UBR4: variants seen among roughly 807,000 people sequenced by gnomAD.
UBR4 encodes ubiquitin protein ligase E3 component n-recognin 4.
Under a neutral mutation model 575.6 loss-of-function variants are expected in UBR4, and 124 were observed. The ratio of observed to expected loss-of-function variants is 0.22; its 90% CI spans 0.19 to 0.25. The LOEUF is 0.25. Ranked by LOEUF, UBR4 falls within the 10% of genes least tolerant of loss-of-function variation. The pLI is 1.00. For missense variants in UBR4, 4,818 were observed against 6,478.8 expected (o/e 0.74, Z 8.80); for synonymous variants, 2,455 against 2,473.7 (o/e 0.99, Z 0.22).
At chr1:19,179,007 A>G in intron 18 of UBR4, 44 bp downstream of exon 18, 1 of 1,589,220 alleles carries the variant, frequency 6.3e-7, no homozygotes, top group Non-Finnish European at 8.5e-7. Flanking sequence ...CAAATAAAAA[A>G]GGAAATAACT....
intron 11 of UBR4, among the ~76,000 whole-genome samples, chr1:19,190,312 A>AAAAATATATATATATAT: frequency 5.8e-4 from 46 of 79,870 alleles, no homozygotes; most frequent in Admixed American, 7.2e-4. Context: ...AAAAAAAAAA[A>AAAAATATATATATATAT]ATATATATAT....
intron 1 of UBR4, among the ~76,000 whole-genome samples, chr1:19,204,146 G>A (rs993237338): frequency 4.6e-5 from 7 of 151,926 alleles, no homozygotes; most frequent in South Asian, 2.1e-4. Flanking sequence ...TTACAGGTGC[G>A]TGCCACCACG....
At chr1:19,204,048 C>T (rs1376998843) in intron 1 of UBR4, among the ~76,000 whole-genome samples, 1 of 152,180 alleles carries the variant, frequency 6.6e-6, no homozygotes, top group East Asian at 1.9e-4. Flanking sequence ...GCCCAGGCTA[C>T]AATGTAGTGG....
chr1:19,095,522 C>T, intron 93 of UBR4, 23 bp downstream of exon 93: 1 of 1,609,686 alleles, frequency 6.2e-7, no homozygotes, highest in South Asian at 1.1e-5. Flanking sequence ...CACTCTTCTT[C>T]ACCTGCAGTC....
At chr1:19,138,315 T>C (rs191564908) in intron 59 of UBR4, 134 bp from the exon 60 acceptor site, 28 of 954,118 alleles carry the variant, frequency 2.9e-5, no homozygotes, top group Middle Eastern at 3.6e-4. Context: ...TTTTGTCTTA[T>C]ATGTAAAGCT....
chr1:19,209,727 G>C (rs2093214639), intron 1 of UBR4, among the ~76,000 whole-genome samples: 1 of 152,208 alleles, frequency 6.6e-6, no homozygotes, highest in Non-Finnish European at 1.5e-5. Context: ...ATGAGTGCGG[G>C]CGAGAAATGC....
At position 19,110,055 on chromosome 1, in the gene UBR4, C is replaced by T. The variant is rs1224722731; in HGVS notation, c.12105+41G>A. The T allele has an allele frequency of 1.2e-5, 19 of 1,611,406 alleles. No homozygotes were observed. The highest frequency in any genetic ancestry group is 2.2e-5 in the South Asian group (2 of 90,874). On this transcript the variant is annotated intron_variant, in intron 81 of 105. Coordinates refer to ENST00000375254, the MANE Select transcript of UBR4 (RefSeq NM_020765.3). This position sits in a 1 kb window ranked among gnomAD's most constrained non-coding sequence, Gnocchi z 4.5. ...ACTGCCAGGGAATGAGGAGGGTGGC[C>T]GCCCTGCCCTTCCTTGTTAGACCCC...
At chr1:19,099,995 C>T in intron 89 of UBR4, 1 of 433,124 alleles carries the variant, frequency 2.3e-6, no homozygotes, top group Non-Finnish European at 4.1e-6. Context: ...AACGGTCTGC[C>T]AGAAAGTAAC....
In UBR4 at chr1:19,162,453, C is replaced by A. The variant is rs532727929; in HGVS notation, c.4923G>T (p.Ala1641=). ...CAGCCTGGGAATCTTCCTCTTCCAC[C>A]GCCAACTCCTCCACCCAGTCTGAGT... ...EVDSDWVEEL[A]VEEEDSQAED... Residue 1641 remains alanine (A), a synonymous_variant, in exon 35 of 106, where the codon GCG becomes GCT. Coordinates refer to ENST00000375254, the MANE Select transcript of UBR4 (RefSeq NM_020765.3). 6.2e-7 allele frequency: 1 copy of A among 1,613,880 alleles called. No individual in the cohort carries two copies. The highest frequency in any genetic ancestry group is 1.3e-5 in the African/African-American group (1 of 74,906).
intron 71 of UBR4, 128 bp from the exon 72 acceptor site, chr1:19,118,038 G>T: frequency 1.3e-6 from 1 of 786,714 alleles, no homozygotes; most frequent in Non-Finnish European, 2.1e-6. Flanking sequence ...CCCCACCCTA[G>T]TGAGAACTCA....
chr1:19,192,635 C>T (rs2092176616), intron 9 of UBR4, 95 bp from the exon 10 acceptor site: 2 of 1,284,658 alleles, frequency 1.6e-6, no homozygotes, highest in Admixed American at 3.8e-5. Flanking sequence ...TTGAAGAGTT[C>T]AATATCCTCT....
chr1:19,151,563 G>A (rs752129704), intron 48 of UBR4, 80 bp downstream of exon 48: 3 of 1,452,474 alleles, frequency 2.1e-6, no homozygotes, highest in African/African-American at 2.8e-5. Flanking sequence ...ATCCCAGAAT[G>A]TTGGACAGCC....
rs2078488645 is a variant in UBR4, at chr1:19,100,217, T to C, written c.13221+159A>G. 1 of 711,884 alleles carries C rather than the reference T, an allele frequency of 1.4e-6. No homozygotes were observed. Among genetic ancestry groups the C allele is most frequent in the Non-Finnish European group, 2.4e-6 (1 of 422,128 alleles). 44.1% of individuals were successfully genotyped at this position (711,884 alleles called of 1,614,324 possible). A position where few individuals can be genotyped will look rare whatever the true frequency, so the allele number is the denominator to read the frequency against. ...TTATTAACCTTAGCACTAGGTGAGG[T>C]AGAAAGGTGGGAATCATTAACCCCA... On this transcript the variant is annotated intron_variant, in intron 89 of 105. Transcript: ENST00000375254. This position sits in a 1 kb window ranked among gnomAD's most constrained non-coding sequence, Gnocchi z 4.2.
At chr1:19,163,932 T>C in intron 33 of UBR4, 105 bp from the exon 34 acceptor site, 1 of 1,240,980 alleles carries the variant, frequency 8.1e-7, no homozygotes, top group Non-Finnish European at 1.2e-6. Context: ...GAGGACACTG[T>C]GAAGCAGAAG....
chr1:19,172,738 AG>A, intron 25 of UBR4, 125 bp downstream of exon 25: 2 of 875,340 alleles, frequency 2.3e-6, no homozygotes, highest in Non-Finnish European at 3.5e-6. Context: ...TAGAGAAGAA[AG>A]CATTATACGT....
chr1:19,094,788 C>A, intron 94 of UBR4, 118 bp downstream of exon 94: 1 of 1,397,846 alleles, frequency 7.2e-7, no homozygotes. Flanking sequence ...CATTCCAATG[C>A]TTAAGCAGGC....
chr1:19,089,340 C>T lies in UBR4; in HGVS notation c.14212-363G>A, dbSNP rs143318438. On this transcript the variant is annotated intron_variant, in intron 97 of 105. Transcript: ENST00000375254. The surrounding 1 kb of genome is among the most constrained non-coding windows in gnomAD (Gnocchi z 4.3). Reference sequence around the variant, plus strand: ...TATTCTGGTAAGACAAGCAGCAACACCTGATGTGTACTGAGTGGTGAACCA... The same window carrying T: ...TATTCTGGTAAGACAAGCAGCAACATCTGATGTGTACTGAGTGGTGAACCA... Among the ~76,000 whole-genome samples, 223 of 152,298 alleles carry T rather than the reference C, an allele frequency of 1.5e-3. No homozygotes were observed. The highest frequency in any genetic ancestry group is 1.8e-3 in the Non-Finnish European group (123 of 68,022).
intron 48 of UBR4, 81 bp downstream of exon 48, chr1:19,151,562 T>A (rs2085716589): frequency 6.9e-7 from 1 of 1,440,906 alleles, no homozygotes; most frequent in Non-Finnish European, 9.8e-7. Flanking sequence ...GATCCCAGAA[T>A]GTTGGACAGC....
At chr1:19,099,499 G>T (rs1389866053) in intron 90 of UBR4, 98 bp downstream of exon 90, 2 of 1,090,006 alleles carry the variant, frequency 1.8e-6, no homozygotes, top group Non-Finnish European at 1.4e-6. Context: ...GCTGCTACAA[G>T]CCAGGTAAGT....
Sources: gnomAD v4.1 joint callset for allele counts (sites outside exome capture counted in the v4.1 genomes callset) on GRCh38, gnomAD v4.1.1 for gene constraint, Gnocchi (gnomAD v3.1) non-coding constraint, MANE v1.5 for transcripts, NCBI Gene and HGNC (gene_info 2026-07-23, HGNC 2026-07-21) for gene names.